Variants in MICALL1 observed in about 807,000 individuals in gnomAD.
The protein encoded by MICALL1 is MICAL-like protein 1.
Under a neutral mutation model 83.7 loss-of-function variants are expected in MICALL1, and 61 were observed. The ratio of observed to expected loss-of-function variants is 0.73; its 90% confidence interval spans 0.59 to 0.90. The LOEUF is 0.90. Among genes scored for constraint, MICALL1 ranks in the 40% least tolerant of loss-of-function variants. The pLI is 0.00. For synonymous variants in MICALL1, 481 were observed against 473.6 expected (o/e 1.02, Z -0.20); for missense variants, 1,066 against 1,152.0 (o/e 0.93, Z 1.08).
chr22:37,931,752 G>C (rs375705432), intron 9 of MICALL1, 47 bp from the exon 10 acceptor site: 2 of 1,608,978 alleles, frequency 1.2e-6, no homozygotes, highest in Non-Finnish European at 1.7e-6. Flanking sequence ...GGGGTCTCAC[G>C]TGCCCTCTTC....
In MICALL1 at chr22:37,924,772, A is replaced by G; in HGVS notation, c.1082+55A>G. On this transcript the variant is annotated intron_variant, in intron 7 of 15. Coordinates refer to ENST00000215957, the MANE Select transcript of MICALL1 (RefSeq NM_033386.4). This position sits in a 1 kb window ranked among gnomAD's most constrained non-coding sequence, Gnocchi z 5.2. The stretch of plus-strand genomic sequence containing the variant: ...TTTGGAGGTCCTGGTGGTGGGAATC[A>G]GGGTACTCTGGGGCCGGGTAGGGAG... The G allele has an allele frequency of 2.5e-6, 4 of 1,581,278 alleles. No homozygotes were observed. In the South Asian group the frequency reaches 3.4e-5, roughly 13 times the overall value.
intron 15 of MICALL1, among the ~76,000 whole-genome samples, chr22:37,939,329 G>A (rs1373976698): frequency 6.6e-6 from 1 of 152,224 alleles, no homozygotes; most frequent in African/African-American, 2.4e-5. Flanking sequence ...AAAGGGCTCA[G>A]TTGGTATTAG....
intron 9 of MICALL1, among the ~76,000 whole-genome samples, chr22:37,929,733 G>A (rs1026643907): frequency 6.6e-6 from 1 of 152,216 alleles, no homozygotes; most frequent in Admixed American, 6.5e-5. Flanking sequence ...CAGTTCATGA[G>A]GGCCCTGTCT....
rs1044970395 is a variant in MICALL1 at position 37,932,954 on chromosome 22, C to T, written c.2234+66C>T. 1 of 1,611,862 alleles carries T rather than the reference C, an allele frequency of 6.2e-7. No individual in the cohort carries two copies. Among genetic ancestry groups the T allele is most frequent in the Non-Finnish European group, 8.5e-7 (1 of 1,178,056 alleles). On this transcript the variant is annotated intron_variant, in intron 12 of 15. Transcript: ENST00000215957. This position sits in a 1 kb window ranked among gnomAD's most constrained non-coding sequence, Gnocchi z 4.4. ...AGAGCTTAGAATGGAGAACCCTTAC[C>T]CTCTTCCCTCATCAGTAACAGCGCA...
rs567776308 is a variant in MICALL1 at position 37,924,495 on chromosome 22, A to T, written c.1025-165A>T. On this transcript the variant is annotated intron_variant, in intron 6 of 15. Transcript: ENST00000215957. This position sits in a 1 kb window ranked among gnomAD's most constrained non-coding sequence, Gnocchi z 5.2. ...CTGGCCTTGACCCCTGACTGTTCTCAGGCACCTGGGTGCTTATCTAATCTC... is the reference window on the plus strand; with the variant it reads ...CTGGCCTTGACCCCTGACTGTTCTCTGGCACCTGGGTGCTTATCTAATCTC... Among the ~76,000 whole-genome samples, 1 of 152,238 alleles carries T rather than the reference A, an allele frequency of 6.6e-6. No individual in the cohort carries two copies. The highest frequency in any genetic ancestry group is 1.9e-4 in the East Asian group (1 of 5,164).
chr22:37,930,455 C>T lies in MICALL1; in HGVS notation c.1882-1344C>T, dbSNP rs1002389430. 1.3e-5 allele frequency among the ~76,000 whole-genome samples: 2 copies of T among 152,216 alleles called. No individual in the cohort carries two copies. The highest frequency in any genetic ancestry group is 4.8e-5 in the African/African-American group (2 of 41,468). Reference sequence around the variant, plus strand: ...CAGAAACCCCAGAGCAGCTCCCACCCCGAGAGCCTCTCTCCCTGGGCTGGC... The same window carrying T: ...CAGAAACCCCAGAGCAGCTCCCACCTCGAGAGCCTCTCTCCCTGGGCTGGC... On this transcript the variant is annotated intron_variant, in intron 9 of 15. Coordinates refer to ENST00000215957, the MANE Select transcript of MICALL1 (RefSeq NM_033386.4). This position sits in a 1 kb window ranked among gnomAD's most constrained non-coding sequence, Gnocchi z 4.8.
In MICALL1 at chr22:37,924,329, G is replaced by A. The variant is rs778741658; in HGVS notation, c.1025-331G>A. On this transcript the variant is annotated intron_variant, in intron 6 of 15. Coordinates refer to ENST00000215957, the MANE Select transcript of MICALL1 (RefSeq NM_033386.4). This position sits in a 1 kb window ranked among gnomAD's most constrained non-coding sequence, Gnocchi z 5.2. ...AGGGGCTGCTGTGGGATTCACAGAG[G>A]ACACTTGGGAGTCCAGGACTTCCAG... Among the ~76,000 whole-genome samples the A allele has an allele frequency of 2.4e-4, 37 of 152,190 alleles. No homozygotes were observed. The highest frequency in any genetic ancestry group is 2.2e-3 in the Admixed American group (33 of 15,282).
intron 8 of MICALL1, 105 bp downstream of exon 8, chr22:37,926,148 G>A (rs1314235669): frequency 1.8e-5 from 25 of 1,356,298 alleles, no homozygotes; most frequent in Admixed American, 5.5e-5. Context: ...CAGGCACCAC[G>A]TGTTTCATGG....
At position 37,919,092 on chromosome 22, in the gene MICALL1, C is replaced by A. The variant is rs1407806443; in HGVS notation, c.483C>A (p.Ser161Arg). The A allele has an allele frequency of 1.9e-6, 3 of 1,552,186 alleles. No individual in the cohort carries two copies. Among genetic ancestry groups the A allele is most frequent in the Non-Finnish European group, 2.6e-6 (3 of 1,147,726 alleles). The change falls in exon 5 of 16, where the codon AGC becomes AGA. Residue 161 changes from serine (S) to arginine (R), a missense_variant. Coordinates refer to ENST00000215957, the MANE Select transcript of MICALL1 (RefSeq NM_033386.4). ...AGCAGGGCACCGGCCAGACCCCCAG[C>A]AGCACGTGCGCAGCCTGCCAGCAGC... Reference protein sequence around the residue: ...LSEQGTGQTPSSTCAACQQHV... With the variant: ...LSEQGTGQTPRSTCAACQQHV...
At position 37,932,300 on chromosome 22, in the gene MICALL1, G is replaced by T. The variant is rs546746098; in HGVS notation, c.2017-253G>T. Among the ~76,000 whole-genome samples, 1 of 152,360 alleles carries T rather than the reference G, an allele frequency of 6.6e-6. No individual in the cohort carries two copies. Among genetic ancestry groups the T allele is most frequent in the East Asian group, 1.9e-4 (1 of 5,182 alleles). On this transcript the variant is annotated intron_variant, in intron 10 of 15. Coordinates refer to ENST00000215957, the MANE Select transcript of MICALL1 (RefSeq NM_033386.4). This position sits in a 1 kb window ranked among gnomAD's most constrained non-coding sequence, Gnocchi z 4.4. ...ACCCTTTCTGGAGTGGCAGAGAGGA[G>T]GCGTTTCCGTGAAGGGCAGGGAGTC...
At chr22:37,939,852 G>GCTGAGGCGGGCTCATCGC (rs1182742992) in intron 15 of MICALL1, among the ~76,000 whole-genome samples, 2 of 151,992 alleles carry the variant, frequency 1.3e-5, no homozygotes, top group Non-Finnish European at 2.9e-5. Context: ...ACTTTAGGAG[G>GCTGAGGCGGGCTCATCGC]CTGAGGCGGG....
intron 13 of MICALL1, among the ~76,000 whole-genome samples, chr22:37,935,045 G>T (rs913144386): frequency 6.7e-6 from 1 of 149,340 alleles, no homozygotes; most frequent in African/African-American, 2.5e-5. Flanking sequence ...CCATTCTCCT[G>T]CCTCAGCCTC....
intron 14 of MICALL1, 115 bp from the exon 15 acceptor site, chr22:37,937,631 C>A: frequency 1.9e-6 from 2 of 1,034,856 alleles, no homozygotes; most frequent in Non-Finnish European, 1.4e-6. Context: ...ACCATGTTGG[C>A]TAGGCTGATC....
At position 37,919,157 on chromosome 22, in the gene MICALL1, T is replaced by C. The variant is rs1928865375; in HGVS notation, c.548T>C (p.Leu183Pro). 6.5e-7 allele frequency: 1 copy of C among 1,545,062 alleles called. No individual in the cohort carries two copies. The highest frequency in any genetic ancestry group is 1.4e-5 in the African/African-American group (1 of 72,972). Reference sequence around the variant, plus strand: ...CAGCGCTACCTGGCTGACGGCAGGCTGTACCATCGCCACTGCTTCCGGTGA... The same window carrying C: ...CAGCGCTACCTGGCTGACGGCAGGCCGTACCATCGCCACTGCTTCCGGTGA... ...LVQRYLADGRLYHRHCFRCRR... is the reference protein window; with the variant it reads ...LVQRYLADGRPYHRHCFRCRR... Residue 183 changes from leucine to proline, a missense_variant, in exon 5 of 16, where the codon CTG becomes CCG. Leu to Pro is a moderately conservative substitution (Grantham distance 98). Coordinates refer to ENST00000215957, the MANE Select transcript of MICALL1 (RefSeq NM_033386.4).
At chr22:37,915,600 A>G (rs1928627108) in intron 3 of MICALL1, among the ~76,000 whole-genome samples, 1 of 151,500 alleles carries the variant, frequency 6.6e-6, no homozygotes. Flanking sequence ...GGAGTAAATG[A>G]GGAAATGTAT....
chr22:37,922,423 A>G lies in MICALL1; in HGVS notation c.1021A>G (p.Asn341Asp), dbSNP rs1284977238. Reference sequence around the variant, plus strand: ...GCAGGCTGGCAGCAGCAGCCTGGTGAACGGTGAGCAGGGTGCAGTCAGGGC... The same window carrying G: ...GCAGGCTGGCAGCAGCAGCCTGGTGGACGGTGAGCAGGGTGCAGTCAGGGC... ...VEQAGSSSLV[N>D]GRLHELPVPK... The change falls in exon 6 of 16, where the codon AAC becomes GAC. Residue 341 changes from asparagine to aspartate, a missense_variant. Transcript: ENST00000215957. 3.3e-6 allele frequency: 5 copies of G among 1,521,332 alleles called. No homozygotes were observed. The highest frequency in any genetic ancestry group is 4.4e-6 in the Non-Finnish European group (5 of 1,139,034). 94.2% of individuals were successfully genotyped at this position (1,521,332 alleles called of 1,614,324 possible).
At chr22:37,931,661 C>T (rs569183978) in intron 9 of MICALL1, 138 bp from the exon 10 acceptor site, 1 of 992,764 alleles carries the variant, frequency 1.0e-6, no homozygotes, top group African/African-American at 1.6e-5. Flanking sequence ...AGACGGAATT[C>T]AAGGAGACTG....
In MICALL1 at chr22:37,912,511, G is replaced by C. The variant is rs374975027; in HGVS notation, c.337+19G>C. 1 of 1,577,532 alleles carries C rather than the reference G, an allele frequency of 6.3e-7. No homozygotes were observed. The highest frequency in any genetic ancestry group is 1.7e-5 in the Admixed American group (1 of 57,754). On this transcript the variant is annotated intron_variant, in intron 3 of 15. Transcript: ENST00000215957. Reference sequence around the variant, plus strand: ...GGCCAAGGTGAGAGGGGGACTCAGCGTTTCACGGAGGCTGGCCCAGGGGGT... The same window carrying C: ...GGCCAAGGTGAGAGGGGGACTCAGCCTTTCACGGAGGCTGGCCCAGGGGGT...
rs905043164 is a variant in MICALL1 at position 37,906,665 on chromosome 22, C to T, written c.146+97C>T. On this transcript the variant is annotated intron_variant, in intron 1 of 15. Transcript: ENST00000215957. This position sits in a 1 kb window ranked among gnomAD's most constrained non-coding sequence, Gnocchi z 4.4. ...AACACGAAGCCCGGGCGGTGACAGG[C>T]GCCGCCCCCGGACACGGAGACGCCG... The T allele has an allele frequency of 1.1e-3, 1,162 of 1,071,930 alleles. No individual in the cohort carries two copies. The highest frequency in any genetic ancestry group is 1.3e-3 in the Non-Finnish European group (1,132 of 873,382). The allele number at this position is 1,071,930 out of a possible 1,614,324, so 66.4% of individuals were successfully genotyped here. A position where few individuals can be genotyped will look rare whatever the true frequency, so the allele number is the denominator to read the frequency against.
Sources: gnomAD v4.1 joint callset for allele counts (sites outside exome capture counted in the v4.1 genomes callset) on GRCh38, gnomAD v4.1.1 for gene constraint, Gnocchi (gnomAD v3.1) non-coding constraint, MANE v1.5 for transcripts, NCBI Gene and HGNC (gene_info 2026-07-23, HGNC 2026-07-21) for gene names.